EYS: variants seen among roughly 807,000 people sequenced by gnomAD.
The protein encoded by EYS is EGF-like photoreceptor maintenance factor, also known as protein eyes shut homolog.
A neutral mutation model predicts 282.1 loss-of-function variants in EYS; 250 were observed. The ratio of observed to expected loss-of-function variants is 0.89; its 90% CI spans 0.80 to 0.98. The LOEUF is 0.98. Among genes scored for constraint, EYS ranks in the 50% least tolerant of loss-of-function variants. The probability of loss-of-function intolerance (pLI) is 0.00; values close to 1 mark genes in which losing one functional copy is unlikely to be tolerated. For missense variants in EYS, 4,016 were observed against 3,709.0 expected (o/e 1.08, Z -2.15); for synonymous variants, 1,355 against 1,282.9 (o/e 1.06, Z -1.20).
At chr6:65,023,624 G>A (rs1772313167) in intron 13 of EYS, among the ~76,000 whole-genome samples, 1 of 152,184 alleles carries the variant, frequency 6.6e-6, no homozygotes, top group African/African-American at 2.4e-5. Context: ...TTTTTTAATA[G>A]TCTCTCTTTT....
At chr6:65,241,828 T>G (rs548645963) in intron 12 of EYS, among the ~76,000 whole-genome samples, 1 of 152,216 alleles carries the variant, frequency 6.6e-6, no homozygotes, top group Admixed American at 6.5e-5. Context: ...AGGGATTGTC[T>G]TAGGCAGAAT....
chr6:65,104,599 C>A (rs1227577254), intron 12 of EYS, among the ~76,000 whole-genome samples: 1 of 151,348 alleles, frequency 6.6e-6, no homozygotes, highest in African/African-American at 2.4e-5. Context: ...TTCTTAAATG[C>A]CCAGTTCCAG....
intron 14 of EYS, among the ~76,000 whole-genome samples, chr6:64,947,240 A>G (rs1169911614): frequency 6.6e-6 from 1 of 151,960 alleles, no homozygotes; most frequent in Non-Finnish European, 1.5e-5. Flanking sequence ...ATGATCCTTC[A>G]TCACTTTGGT....
At chr6:65,273,189 C>T (rs991052921) in intron 12 of EYS, among the ~76,000 whole-genome samples, 6 of 152,072 alleles carry the variant, frequency 3.9e-5, no homozygotes, top group Non-Finnish European at 8.8e-5. Flanking sequence ...CTGGAATTTT[C>T]CATTTAATAT....
intron 22 of EYS, among the ~76,000 whole-genome samples, chr6:64,658,820 A>G (rs1278504506): frequency 6.6e-6 from 1 of 152,130 alleles, no homozygotes; most frequent in Admixed American, 6.6e-5. Context: ...TCAATATTAG[A>G]CAGATCAACG....
chr6:64,405,396 G>T (rs948444993), intron 28 of EYS, among the ~76,000 whole-genome samples: 1 of 152,102 alleles, frequency 6.6e-6, no homozygotes, highest in Admixed American at 6.6e-5. Context: ...AAAACTGGAA[G>T]TATTCCCTTT....
chr6:65,592,927 AC>A, intron 2 of EYS, among the ~76,000 whole-genome samples: 1 of 152,080 alleles, frequency 6.6e-6, no homozygotes, highest in South Asian at 2.1e-4. Flanking sequence ...ACCACATAGC[AC>A]AACATTATGG....
chr6:65,274,723 A>T (rs1388574853), intron 12 of EYS, among the ~76,000 whole-genome samples: 1 of 152,152 alleles, frequency 6.6e-6, no homozygotes, highest in Non-Finnish European at 1.5e-5. Context: ...CCAAGTGAGC[A>T]AGAAGTAGCA....
At chr6:65,263,340 C>T (rs1432531922) in intron 12 of EYS, among the ~76,000 whole-genome samples, 2 of 151,902 alleles carry the variant, frequency 1.3e-5, no homozygotes, top group East Asian at 3.9e-4. Context: ...GACCCTTTCT[C>T]AAAAATAAAC....
intron 35 of EYS, among the ~76,000 whole-genome samples, chr6:63,921,339 T>C (rs939661730): frequency 2.8e-4 from 42 of 152,382 alleles, no homozygotes; most frequent in African/African-American, 9.9e-4. Context: ...TTTCTGTGGC[T>C]CTGTCCATGT....
chr6:64,704,454 T>C (rs1770905592), intron 22 of EYS, among the ~76,000 whole-genome samples: 2 of 135,214 alleles, frequency 1.5e-5, no homozygotes, highest in African/African-American at 2.7e-5. Flanking sequence ...TATTATAATA[T>C]AATTATAATA....
At chr6:64,842,428 C>T (rs1468074329) in intron 19 of EYS, among the ~76,000 whole-genome samples, 1 of 151,748 alleles carries the variant, frequency 6.6e-6, no homozygotes, top group African/African-American at 2.4e-5. Context: ...TAGAGTGGGG[C>T]ACTGCTGAAA....
chr6:65,564,973 C>T lies in EYS; in HGVS notation c.-332-68980G>A, dbSNP rs1434975247. Among the ~76,000 whole-genome samples, 24 of 15,570 alleles carry T rather than the reference C, an allele frequency of 1.5e-3. 11 individuals are homozygous for T. The highest frequency in any genetic ancestry group is 8.2e-3 in the African/African-American group (8 of 978). 10.2% of individuals were successfully genotyped at this position (15,570 alleles called of 152,430 possible). A position where few individuals can be genotyped will look rare whatever the true frequency, so the allele number is the denominator to read the frequency against. On this transcript the variant is annotated intron_variant, in intron 2 of 42. Transcript: ENST00000503581. ...TAAAAAGTGGGTGAACGGCCGGGCG[C>T]GGTGGCTCACGCCTGTAATCCCAGC...
chr6:65,094,372 G>A (rs1036631739), intron 12 of EYS, among the ~76,000 whole-genome samples: 4 of 144,740 alleles, frequency 2.8e-5, no homozygotes, highest in Non-Finnish European at 4.5e-5. Context: ...ATAGACCAAC[G>A]GGACCTAACA....
At chr6:65,597,641 G>C (rs1199370056) in intron 2 of EYS, among the ~76,000 whole-genome samples, 18 of 152,054 alleles carry the variant, frequency 1.2e-4, no homozygotes, top group Admixed American at 1.2e-3. Flanking sequence ...CAGAAGTCTG[G>C]AGGCTTCTAT....
intron 30 of EYS, among the ~76,000 whole-genome samples, chr6:64,264,125 C>T (rs1290133233): frequency 6.6e-6 from 1 of 151,942 alleles, no homozygotes; most frequent in Non-Finnish European, 1.5e-5. Context: ...ACAATGAATG[C>T]CTGTATGGTA....
At chr6:64,996,979 T>C (rs140073318) in intron 14 of EYS, among the ~76,000 whole-genome samples, 2 of 152,272 alleles carry the variant, frequency 1.3e-5, no homozygotes, top group African/African-American at 4.8e-5. Flanking sequence ...GAGTCCACCT[T>C]GAGTAGGTGT....
At chr6:64,262,522 G>C (rs965169346) in intron 30 of EYS, among the ~76,000 whole-genome samples, 1 of 151,838 alleles carries the variant, frequency 6.6e-6, no homozygotes. Context: ...TGAATAGTAT[G>C]CTTTTTAAGA....
At chr6:65,071,164 A>T (rs115614745) in intron 12 of EYS, among the ~76,000 whole-genome samples, 1,797 of 151,908 alleles carry the variant, frequency 0.012, 34 homozygotes, top group African/African-American at 0.04. Flanking sequence ...GGCTAAATGG[A>T]TGAAGTAGTT....
Sources: gnomAD v4.1 joint callset for allele counts (sites outside exome capture counted in the v4.1 genomes callset) on GRCh38, gnomAD v4.1.1 for gene constraint, MANE v1.5 for transcripts, NCBI Gene and HGNC (gene_info 2026-07-23, HGNC 2026-07-21) for gene names.